Variants in IFT172 observed in about 807,000 individuals in gnomAD.
The protein encoded by IFT172 is intraflagellar transport 172, also known as intraflagellar transport protein 172 homolog.
IFT172 carries 164 observed loss-of-function variants against 248.9 expected under a neutral mutation model. That is an observed-to-expected ratio of 0.66 (90% CI 0.58 to 0.75). IFT172 has a LOEUF of 0.75. IFT172 is among the 30% of genes least tolerant of loss of function. The pLI is 0.00. For missense variants in IFT172, 1,950 were observed against 2,192.4 expected (o/e 0.89, Z 2.21); for synonymous variants, 729 against 791.6 (o/e 0.92, Z 1.33).
chr2:27,477,918 C>G, intron 11 of IFT172, 77 bp downstream of exon 11: 1 of 1,564,496 alleles, frequency 6.4e-7, no homozygotes, highest in Non-Finnish European at 8.7e-7. Flanking sequence ...AGAGCTTACC[C>G]CTAGGGATTT....
intron 30 of IFT172, chr2:27,455,234 A>C (rs1572742478): frequency 2.8e-6 from 1 of 355,484 alleles, no homozygotes; most frequent in East Asian, 8.3e-5. Context: ...GCAGGTCCTT[A>C]TTAGGCTGTG....
At chr2:27,459,113 C>T in intron 25 of IFT172, 1 of 617,114 alleles carries the variant, frequency 1.6e-6, no homozygotes, top group Non-Finnish European at 2.7e-6. Context: ...TATATCATAA[C>T]TATGTTAGCA....
intron 14 of IFT172, chr2:27,475,552 T>C (rs935162332): frequency 6.6e-6 from 1 of 152,224 alleles, no homozygotes; most frequent in Admixed American, 6.5e-5. Context: ...CATGCTAATC[T>C]TCTCTTTATC....
chr2:27,479,692 T>C (rs985113841), intron 9 of IFT172, 88 bp from the exon 10 acceptor site: 20 of 888,900 alleles, frequency 2.2e-5, no homozygotes, highest in Non-Finnish European at 3.3e-5. Flanking sequence ...AAACCTAAGC[T>C]CTAGAGTCTA....
At position 27,457,909 on chromosome 2, in the gene IFT172, C is replaced by T. The variant is rs779749730; in HGVS notation, c.3043G>A (p.Asp1015Asn). The T allele has an allele frequency of 2.5e-6, 4 of 1,614,060 alleles. No homozygotes were observed. The highest frequency in any genetic ancestry group is 3.4e-6 in the Non-Finnish European group (4 of 1,180,028). The change falls in exon 28 of 48, where the codon GAC (aspartate) becomes AAC (asparagine). Residue 1015 changes from aspartate to asparagine, a missense_variant. Coordinates refer to ENST00000260570, the MANE Select transcript of IFT172 (RefSeq NM_015662.3). ...TGCTTCCCTACCAGGCGGATCATGT[C>T]ATCATACAACTTGTGCTTTTTGTAC... ...TMYKKHKLYDDMIRLVGKHHP... is the reference protein window; with the variant it reads ...TMYKKHKLYDNMIRLVGKHHP...
At chr2:27,477,040 G>T in intron 13 of IFT172, 177 bp downstream of exon 13, 2 of 663,976 alleles carry the variant, frequency 3.0e-6, no homozygotes, top group Middle Eastern at 4.2e-4. Context: ...GCCCAGGCTG[G>T]TCTTGAACTC....
chr2:27,483,593 A>T lies in IFT172; in HGVS notation c.469T>A (p.Ser157Thr). The T allele has an allele frequency of 6.2e-7, 1 of 1,614,068 alleles. No individual in the cohort carries two copies. Among genetic ancestry groups the T allele is most frequent in the Non-Finnish European group, 8.5e-7 (1 of 1,179,992 alleles). ...TIYGTESYVV[S>T]LTTNCSGKGI... Reference sequence around the variant, plus strand: ...CTCTTTACTCACTTTGTTGTCAGGGACACCACGTAAGACTCTGTCCCATAG... The same window carrying T: ...CTCTTTACTCACTTTGTTGTCAGGGTCACCACGTAAGACTCTGTCCCATAG... The change falls in exon 6 of 48, where the codon TCC (serine) becomes ACC (threonine). Residue 157 changes from serine (S) to threonine (T), a missense_variant. Physicochemically the swap from Ser to Thr is moderately conservative, Grantham distance 58 (BLOSUM62 1). This residue lies in a region of IFT172 where 1,166 missense variants were observed against 1,254.1 expected (regional missense o/e 0.93). Transcript: ENST00000260570.
rs1572806712 is a variant in IFT172 at position 27,474,933 on chromosome 2, A to C, written c.1411+1708T>G. Among the ~76,000 whole-genome samples the C allele has an allele frequency of 2.6e-5, 4 of 152,200 alleles. No homozygotes were observed. The South Asian group carries it at 8.3e-4, about 32-fold the overall frequency. ...TGAACAGTAAAAGACTCCCAAAAGGAGAGAAAAGACAAGCCACAGGCTGAG... is the reference window on the plus strand; with the variant it reads ...TGAACAGTAAAAGACTCCCAAAAGGCGAGAAAAGACAAGCCACAGGCTGAG... On this transcript the variant is annotated intron_variant, in intron 14 of 47. Transcript: ENST00000260570.
intron 11 of IFT172, 68 bp downstream of exon 11, chr2:27,477,927 T>G: frequency 6.3e-7 from 1 of 1,587,142 alleles, no homozygotes; most frequent in Non-Finnish European, 8.6e-7. Context: ...CCCTAGGGAT[T>G]TTGGGTCCCC....
Position 27,456,521 on chromosome 2 carries a change from C to T in IFT172, c.3361G>A (p.Ala1121Thr), listed in dbSNP as rs1666178528. The change falls in exon 30 of 48, where the codon GCA (alanine) becomes ACA (threonine). Residue 1121 changes from alanine to threonine, a missense_variant. Physicochemically the swap from Ala to Thr is moderately conservative, Grantham distance 58. Transcript: ENST00000260570. ...GLLEAAVDHAADNCSFEFAFE... is the reference protein window; with the variant it reads ...GLLEAAVDHATDNCSFEFAFE... The stretch of plus-strand genomic sequence containing the variant: ...AGCTTGGGGCCTCACCAATTGTCTG[C>T]AGCGTGGTCAACAGCAGCTTCCAGG... 1 of 1,613,272 alleles carries T rather than the reference C, an allele frequency of 6.2e-7. No individual in the cohort carries two copies. Among genetic ancestry groups the T allele is most frequent in the African/African-American group, 1.3e-5 (1 of 74,916 alleles).
rs367806691 is a variant in IFT172 at position 27,454,127 on chromosome 2, C to T, written c.3566G>A (p.Arg1189His). The T allele has an allele frequency of 1.6e-5, 26 of 1,613,468 alleles. No homozygotes were observed. The highest frequency in any genetic ancestry group is 5.3e-5 in the African/African-American group (4 of 74,922). Residue 1189 changes from arginine (R) to histidine (H), a missense_variant, in exon 33 of 48, where the codon CGT (arginine) becomes CAT (histidine). Arg to His is a conservative substitution (Grantham distance 29). Transcript: ENST00000260570. This position sits in a 1 kb window ranked among gnomAD's most constrained non-coding sequence, Gnocchi z 4.2. Reference protein sequence around the residue: ...VHNQDWEAAQRVAEAHDPDSV... With the variant: ...VHNQDWEAAQHVAEAHDPDSV... The stretch of plus-strand genomic sequence containing the variant: ...GTCAGGGTCGTGAGCCTCAGCCACA[C>T]GCTGAGCTGCCTCCCAATCCTGGTT...
At chr2:27,488,945 G>T (rs187735596) in intron 1 of IFT172, among the ~76,000 whole-genome samples, 331 of 152,368 alleles carry the variant, frequency 2.2e-3, no homozygotes, top group Non-Finnish European at 3.5e-3. Flanking sequence ...GGGAGGCTAT[G>T]GCAGGAAAAT....
chr2:27,456,209 CA>C (rs1016528482), intron 30 of IFT172, among the ~76,000 whole-genome samples: 14 of 139,396 alleles, frequency 1.0e-4, no homozygotes, highest in South Asian at 9.1e-4. Context: ...GACTCTGTCT[CA>C]AAAAAAAAAA....
At chr2:27,473,287 G>A (rs559876162) in intron 14 of IFT172, among the ~76,000 whole-genome samples, 19 of 146,978 alleles carry the variant, frequency 1.3e-4, no homozygotes, top group South Asian at 2.2e-4. Flanking sequence ...GGAGAATGGC[G>A]TGAACCCGGG....
At chr2:27,446,993 C>T (rs1665188846) in intron 42 of IFT172, among the ~76,000 whole-genome samples, 1 of 152,056 alleles carries the variant, frequency 6.6e-6, no homozygotes, top group African/African-American at 2.4e-5. Context: ...GCCACCGCGC[C>T]CGGCCAACCT....
chr2:27,447,985 G>A lies in IFT172; in HGVS notation c.4429-63C>T, dbSNP rs1227075346. On this transcript the variant is annotated intron_variant, in intron 40 of 47. Coordinates refer to ENST00000260570, the MANE Select transcript of IFT172 (RefSeq NM_015662.3). ...TAGCTAGAAGAGAAAGTCACTGGAA[G>A]TGGGGCCAAAGGGAGGAGAAACAGG... 14 of 1,033,836 alleles carry A rather than the reference G, an allele frequency of 1.4e-5. No individual in the cohort carries two copies. In the South Asian group the frequency reaches 1.8e-4, roughly 13 times the overall value. 64.0% of individuals were successfully genotyped at this position (1,033,836 alleles called of 1,614,324 possible).
At chr2:27,485,550 TGCCAAAA>T in intron 1 of IFT172, 47 bp from the exon 2 acceptor site, 1 of 1,604,006 alleles carries the variant, frequency 6.2e-7, no homozygotes, top group East Asian at 2.2e-5. Flanking sequence ...TGGTCTAGAA[TGCCAAAA>T]GCATTTCTAG....
rs541968885 is a variant in IFT172, at chr2:27,446,840, C to T, written c.4660-485G>A. Among the ~76,000 whole-genome samples, 130 of 151,636 alleles carry T rather than the reference C, an allele frequency of 8.6e-4. No individual in the cohort carries two copies. In the Middle Eastern group the frequency reaches 0.024, roughly 28 times the overall value. On this transcript the variant is annotated intron_variant, in intron 42 of 47. Coordinates refer to ENST00000260570, the MANE Select transcript of IFT172 (RefSeq NM_015662.3). ...TCAGCCTCCCGAGTAGCTGGGACTA[C>T]AGGCGCCCGCCACCGTGCCTGGCTA...
At position 27,445,249 on chromosome 2, in the gene IFT172, C is replaced by T; in HGVS notation, c.5068+47G>A. On this transcript the variant is annotated intron_variant, in intron 46 of 47. Coordinates refer to ENST00000260570, the MANE Select transcript of IFT172 (RefSeq NM_015662.3). This position sits in a 1 kb window ranked among gnomAD's most constrained non-coding sequence, Gnocchi z 4.4. ...AGTAAAATTAAGTTTATTGATCCTG[C>T]TGCTTTCTACCCACCACAGGATCTG... is the stretch of plus-strand genomic sequence containing the variant. 1 of 1,590,362 alleles carries T rather than the reference C, an allele frequency of 6.3e-7. No individual in the cohort carries two copies. The highest frequency in any genetic ancestry group is 8.6e-7 in the Non-Finnish European group (1 of 1,166,454).
Sources: gnomAD v4.1 joint callset for allele counts (sites outside exome capture counted in the v4.1 genomes callset) on GRCh38, gnomAD v4.1.1 for gene constraint, gnomAD v4.1.1 regional missense constraint, Gnocchi (gnomAD v3.1) non-coding constraint, MANE v1.5 for transcripts, NCBI Gene and HGNC (gene_info 2026-07-23, HGNC 2026-07-21) for gene names.